GRIN2A: variants seen among roughly 807,000 people sequenced by gnomAD.
GRIN2A encodes the protein glutamate receptor ionotropic, NMDA 2A.
A neutral mutation model predicts 113.4 loss-of-function variants in GRIN2A; 22 were observed. That is an observed-to-expected ratio of 0.19 (90% CI 0.14 to 0.28). The LOEUF is 0.28. Ranked by LOEUF, GRIN2A falls within the 10% of genes least tolerant of loss-of-function variation. The pLI is 1.00. For missense variants in GRIN2A, 1,502 were observed against 1,887.0 expected, an observed-to-expected ratio of 0.80 and a Z score of 3.78; for synonymous variants, 827 against 738.4, an observed-to-expected ratio of 1.12 and a Z score of -1.94.
At chr16:10,117,449 G>A (rs1177829991) in intron 2 of GRIN2A, among the ~76,000 whole-genome samples, 1 of 151,580 alleles carries the variant, frequency 6.6e-6, no homozygotes, top group Non-Finnish European at 1.5e-5. Flanking sequence ...GTGAGTATAG[G>A]AGAGTTATCT....
At chr16:10,165,980 C>G (rs1306810842) in intron 2 of GRIN2A, among the ~76,000 whole-genome samples, 1 of 152,172 alleles carries the variant, frequency 6.6e-6, no homozygotes, top group Non-Finnish European at 1.5e-5. Flanking sequence ...CACCCTAACA[C>G]CAGAACTACA....
At chr16:10,059,721 A>G (rs1293099590) in intron 2 of GRIN2A, among the ~76,000 whole-genome samples, 7 of 3,476 alleles carry the variant, frequency 2.0e-3, no homozygotes, top group South Asian at 0.037. Flanking sequence ...ATCGTGACCG[A>G]AAAAAAAAAA....
At chr16:9,978,133 C>T (rs1427246922) in intron 2 of GRIN2A, among the ~76,000 whole-genome samples, 2 of 152,156 alleles carry the variant, frequency 1.3e-5, no homozygotes, top group African/African-American at 4.8e-5. Flanking sequence ...GACAATGCTA[C>T]AGCATAACGA....
chr16:10,072,463 C>T (rs539371572), intron 2 of GRIN2A, among the ~76,000 whole-genome samples: 1 of 152,340 alleles, frequency 6.6e-6, no homozygotes, highest in African/African-American at 2.4e-5. Context: ...TTAAAAACTA[C>T]TGAAGCTGGG....
chr16:10,090,000 GA>G (rs978080264), intron 2 of GRIN2A, among the ~76,000 whole-genome samples: 8 of 152,078 alleles, frequency 5.3e-5, no homozygotes, highest in Non-Finnish European at 1.2e-4. Context: ...CCAAGACATA[GA>G]TGATACCATG....
At position 10,042,753 on chromosome 16, in the gene GRIN2A, C is replaced by T. The variant is rs534621869; in HGVS notation, c.415-104202G>A. 2.0e-4 allele frequency among the ~76,000 whole-genome samples: 31 copies of T among 152,178 alleles called. No homozygotes were observed. In the South Asian group the frequency reaches 5.2e-3, roughly 26 times the overall value. ...GAATCTGCTGGGGTTGGGATGGAGGCGGCATGGGGAAACATTTACTAACTC... is the reference window on the plus strand; with the variant it reads ...GAATCTGCTGGGGTTGGGATGGAGGTGGCATGGGGAAACATTTACTAACTC... On this transcript the variant is annotated intron_variant, in intron 2 of 12. Coordinates refer to ENST00000330684, the MANE Select transcript of GRIN2A (RefSeq NM_001134407.3).
intron 11 of GRIN2A, among the ~76,000 whole-genome samples, chr16:9,795,130 G>T (rs1902896876): frequency 6.6e-6 from 1 of 152,150 alleles, no homozygotes; most frequent in South Asian, 2.1e-4. Context: ...ATGAGGCTGA[G>T]ACCTACTGGG....
chr16:10,043,159 T>G (rs1478668942), intron 2 of GRIN2A, among the ~76,000 whole-genome samples: 1 of 152,206 alleles, frequency 6.6e-6, no homozygotes, highest in Non-Finnish European at 1.5e-5. Context: ...TTACAGATTC[T>G]TTCTAATCTC....
intron 2 of GRIN2A, among the ~76,000 whole-genome samples, chr16:10,054,785 C>A (rs1021509355): frequency 6.6e-6 from 1 of 151,896 alleles, no homozygotes; most frequent in Non-Finnish European, 1.5e-5. Flanking sequence ...CAGTGGCTTA[C>A]GCCTGTAAGC....
intron 3 of GRIN2A, among the ~76,000 whole-genome samples, chr16:9,934,678 TAAA>T (rs33916243): frequency 7.5e-4 from 38 of 50,938 alleles, no homozygotes; most frequent in African/African-American, 2.6e-3. Context: ...AGACTCTGTC[TAAA>T]AAAAAAAAAA....
At position 9,764,546 on chromosome 16, in the gene GRIN2A, C is replaced by G; in HGVS notation, c.2998G>C (p.Val1000Leu). Residue 1000 changes from valine to leucine, a missense_variant, in exon 13 of 13, where the codon GTG becomes CTG. This residue lies in a region of GRIN2A where 832 missense variants were observed against 789.7 expected (regional missense o/e 1.05). Coordinates refer to ENST00000330684, the MANE Select transcript of GRIN2A (RefSeq NM_001134407.3). ...GAGTTCGCTTTGGATTCTGTGCTCA[C>G]GGCCACCTCCACCGTGTTAGGGTTG... Reference protein sequence around the residue: ...ESNPNTVEVAVSTESKANSRP... With the variant: ...ESNPNTVEVALSTESKANSRP... 3 of 1,613,904 alleles carry G rather than the reference C, an allele frequency of 1.9e-6. No individual in the cohort carries two copies. The highest frequency in any genetic ancestry group is 2.5e-6 in the Non-Finnish European group (3 of 1,179,970).
intron 2 of GRIN2A, among the ~76,000 whole-genome samples, chr16:10,018,397 G>A (rs1179331291): frequency 6.6e-6 from 1 of 152,274 alleles, no homozygotes; most frequent in South Asian, 2.1e-4. Context: ...ACTGGAGGCA[G>A]CAATACCACT....
Position 10,000,093 on chromosome 16 carries a change from C to T in GRIN2A, c.415-61542G>A, listed in dbSNP as rs148607663. 7.2e-5 allele frequency among the ~76,000 whole-genome samples: 11 copies of T among 152,276 alleles called. No individual in the cohort carries two copies. In the East Asian group the frequency reaches 2.1e-3, roughly 29 times the overall value. The stretch of plus-strand genomic sequence containing the variant: ...CATCTCCTCCTCTGACTCTCTCCCT[C>T]CTGCCTCCTTTCTTCCCTTATAAGG... On this transcript the variant is annotated intron_variant, in intron 2 of 12. Transcript: ENST00000330684.
intron 2 of GRIN2A, among the ~76,000 whole-genome samples, chr16:10,038,443 G>C (rs1390928930): frequency 6.6e-6 from 1 of 152,004 alleles, no homozygotes; most frequent in Non-Finnish European, 1.5e-5. Flanking sequence ...TGCATTGGAG[G>C]GGGCTGTCCT....
chr16:10,110,268 G>A (rs984597827), intron 2 of GRIN2A, among the ~76,000 whole-genome samples: 1 of 152,200 alleles, frequency 6.6e-6, no homozygotes, highest in Non-Finnish European at 1.5e-5. Flanking sequence ...GAAACCATTT[G>A]GAATAGCATT....
At chr16:9,932,520 C>T (rs952098583) in intron 3 of GRIN2A, among the ~76,000 whole-genome samples, 25 of 151,884 alleles carry the variant, frequency 1.6e-4, no homozygotes, top group Admixed American at 1.4e-3. Flanking sequence ...GGACTACAGG[C>T]GTGCACCACC....
chr16:9,772,029 G>A (rs527321020), intron 11 of GRIN2A, among the ~76,000 whole-genome samples: 1 of 151,998 alleles, frequency 6.6e-6, no homozygotes. Context: ...ACATGTTAAT[G>A]AGTTTTTTTT....
chr16:10,135,669 G>T (rs984303127), intron 2 of GRIN2A, among the ~76,000 whole-genome samples: 1 of 152,208 alleles, frequency 6.6e-6, no homozygotes, highest in African/African-American at 2.4e-5. Flanking sequence ...TGTGGGGAAT[G>T]GGTAGGTAAG....
At chr16:10,059,604 G>A (rs1402588409) in intron 2 of GRIN2A, among the ~76,000 whole-genome samples, 1 of 151,924 alleles carries the variant, frequency 6.6e-6, no homozygotes, top group Non-Finnish European at 1.5e-5. Flanking sequence ...CTTTAGAAAG[G>A]AGCCCATGCC....
Sources: gnomAD v4.1 joint callset for allele counts (sites outside exome capture counted in the v4.1 genomes callset) on GRCh38, gnomAD v4.1.1 for gene constraint, gnomAD v4.1.1 regional missense constraint, MANE v1.5 for transcripts, NCBI Gene and HGNC (gene_info 2026-07-23, HGNC 2026-07-21) for gene names.